The following DNAH14 variants were observed in gnomAD, a reference collection of about 807,000 sequenced individuals.
DNAH14 encodes axonemal beta dynein heavy chain 14.
A neutral mutation model predicts 520.9 loss-of-function variants in DNAH14; 478 were observed. The observed-to-expected ratio is 0.92, with a 90% confidence interval of 0.85 to 0.99. The LOEUF (loss-of-function observed/expected upper bound fraction) is 0.99, where lower values mean the gene tolerates loss of function less well. Ranked by LOEUF, DNAH14 falls within the 50% of genes least tolerant of loss-of-function variation. DNAH14 has a pLI of 0.00. For synonymous variants in DNAH14, 1,581 were observed against 1,757.2 expected, an observed-to-expected ratio of 0.90 and a Z score of 2.51; for missense variants, 4,831 against 5,234.5, an observed-to-expected ratio of 0.92 and a Z score of 2.38.
intron 45 of DNAH14, among the ~76,000 whole-genome samples, chr1:225,258,863 T>C (rs2092830155): frequency 6.6e-6 from 1 of 152,216 alleles, no homozygotes. Context: ...AGGATTAGCA[T>C]GAACATTAGA....
At chr1:225,324,438 A>G in intron 63 of DNAH14, 85 bp downstream of exon 63, 1 of 1,487,368 alleles carries the variant, frequency 6.7e-7, no homozygotes, top group Non-Finnish European at 9.0e-7. Flanking sequence ...CCAATACTCA[A>G]ATGAACTTGA....
intron 23 of DNAH14, among the ~76,000 whole-genome samples, chr1:225,102,590 G>C (rs1483640057): frequency 3.9e-5 from 6 of 152,158 alleles, no homozygotes; most frequent in Non-Finnish European, 7.3e-5. Flanking sequence ...ATTCTAACTG[G>C]TGTGAGATGG....
At chr1:225,209,040 T>TA in intron 41 of DNAH14, among the ~76,000 whole-genome samples, 1 of 152,310 alleles carries the variant, frequency 6.6e-6, no homozygotes, top group East Asian at 1.9e-4. Context: ...CATAGTTTTT[T>TA]AAAAAAATTC....
At chr1:225,243,126 T>A (rs2092068923) in intron 43 of DNAH14, among the ~76,000 whole-genome samples, 1 of 152,202 alleles carries the variant, frequency 6.6e-6, no homozygotes, top group African/African-American at 2.4e-5. Flanking sequence ...TATAGATAAA[T>A]AAATTGCCTT....
intron 42 of DNAH14, 65 bp downstream of exon 42, chr1:225,231,216 A>G (rs2091076543): frequency 9.6e-7 from 1 of 1,044,044 alleles, no homozygotes; most frequent in Non-Finnish European, 1.4e-6. Flanking sequence ...TCAAATATGC[A>G]CAGGATTACT....
chr1:225,294,770 G>A (rs903156781), intron 55 of DNAH14, among the ~76,000 whole-genome samples: 13 of 151,912 alleles, frequency 8.6e-5, no homozygotes, highest in African/African-American at 3.1e-4. Flanking sequence ...GTTGCCATGA[G>A]CCGAGATGGT....
chr1:225,304,062 GGT>G (rs1276836446), intron 57 of DNAH14, among the ~76,000 whole-genome samples: 1 of 152,152 alleles, frequency 6.6e-6, no homozygotes, highest in Non-Finnish European at 1.5e-5. Flanking sequence ...GGTTAGACTT[GGT>G]GGACTGGAGA....
intron 60 of DNAH14, among the ~76,000 whole-genome samples, chr1:225,309,290 G>A (rs2094309070): frequency 6.6e-6 from 1 of 152,118 alleles, no homozygotes. Context: ...TTATTCACTT[G>A]TGCTTCCATT....
chr1:224,957,301 G>A lies in DNAH14; in HGVS notation c.217+2203G>A, dbSNP rs183738753. Among the ~76,000 whole-genome samples, 7 of 152,198 alleles carry A rather than the reference G, an allele frequency of 4.6e-5. No individual in the cohort carries two copies. In the East Asian group the frequency reaches 9.6e-4, roughly 21 times the overall value. ...CCTAAAAAAAGGTCAGGAGTTTAGA[G>A]GAAGGATCATGAGTTCAATTTTGGA... On this transcript the variant is annotated intron_variant, in intron 3 of 85. Coordinates refer to ENST00000682510, the MANE Select transcript of DNAH14 (RefSeq NM_001367479.1).
At chr1:225,202,532 T>A (rs1050543736) in intron 38 of DNAH14, among the ~76,000 whole-genome samples, 1 of 152,104 alleles carries the variant, frequency 6.6e-6, no homozygotes, top group Non-Finnish European at 1.5e-5. Flanking sequence ...CTAGTCTCAC[T>A]CCCACTGTGT....
At chr1:225,196,550 A>G (rs2086162110) in intron 38 of DNAH14, among the ~76,000 whole-genome samples, 1 of 152,180 alleles carries the variant, frequency 6.6e-6, no homozygotes, top group African/African-American at 2.4e-5. Flanking sequence ...GGATTGCTGG[A>G]TCAAATGGTA....
chr1:225,267,932 G>A (rs1477506860), intron 49 of DNAH14, among the ~76,000 whole-genome samples: 1 of 151,968 alleles, frequency 6.6e-6, no homozygotes, highest in African/African-American at 2.4e-5. Flanking sequence ...GAGAAGGCAG[G>A]AAATAGGGTC....
chr1:224,941,033 C>T (rs2059386591), intron 1 of DNAH14, among the ~76,000 whole-genome samples: 1 of 152,174 alleles, frequency 6.6e-6, no homozygotes, highest in African/African-American at 2.4e-5. Context: ...GGTATATACC[C>T]AGTAATGGGA....
intron 15 of DNAH14, among the ~76,000 whole-genome samples, chr1:225,047,281 C>T (rs1168154625): frequency 6.6e-6 from 1 of 152,076 alleles, no homozygotes; most frequent in African/African-American, 2.4e-5. Context: ...TAACTTTTTT[C>T]TCTGGCTATG....
At chr1:225,086,520 TAC>T (rs985089794) in intron 21 of DNAH14, among the ~76,000 whole-genome samples, 2 of 151,936 alleles carry the variant, frequency 1.3e-5, no homozygotes, top group South Asian at 2.1e-4. Context: ...CATAATCATA[TAC>T]ACACACATAT....
At chr1:225,155,723 A>G (rs2080964944) in intron 34 of DNAH14, among the ~76,000 whole-genome samples, 1 of 152,138 alleles carries the variant, frequency 6.6e-6, no homozygotes, top group Admixed American at 6.5e-5. Context: ...TCCAGTATAC[A>G]GGAAACTGTC....
rs372486745 is a variant in DNAH14, at chr1:225,183,481, A to G, written c.5536-1810A>G. The stretch of plus-strand genomic sequence containing the variant: ...AAATTAGAAAGATCTCAAATTAGCA[A>G]TCTAGCATTGCACCCAACTGTACTA... On this transcript the variant is annotated intron_variant, in intron 36 of 85. Transcript: ENST00000682510. 8.9e-4 allele frequency among the ~76,000 whole-genome samples: 136 copies of G among 152,316 alleles called. 1 individual carries two copies. The highest frequency in any genetic ancestry group is 3.1e-3 in the African/African-American group (129 of 41,574).
At chr1:225,397,226 C>T (rs2096024570) in intron 84 of DNAH14, 1 of 152,240 alleles carries the variant, frequency 6.6e-6, no homozygotes, top group Non-Finnish European at 1.5e-5. Context: ...ATCCGCCCGC[C>T]TCAGCCTCCC....
At chr1:225,273,223 G>C (rs1448812699) in intron 52 of DNAH14, 98 bp downstream of exon 52, 2 of 1,281,284 alleles carry the variant, frequency 1.6e-6, no homozygotes, top group Non-Finnish European at 2.1e-6. Flanking sequence ...ACGAGGTCAG[G>C]AGATTGAGAC....
Sources: allele counts gnomAD v4.1 joint callset (sites outside exome capture counted in the v4.1 genomes callset), GRCh38; gene constraint gnomAD v4.1.1; transcripts MANE v1.5; gene names NCBI Gene and HGNC (gene_info 2026-07-23, HGNC 2026-07-21).